The following SLC39A11 variants were observed in gnomAD, a reference collection of about 807,000 sequenced individuals.
SLC39A11 encodes the protein zinc transporter ZIP11.
Under a neutral mutation model 36.1 loss-of-function variants are expected in SLC39A11, and 33 were observed. That is an observed-to-expected ratio of 0.91 (90% CI 0.69 to 1.22). SLC39A11 has a LOEUF of 1.22. Among genes scored for constraint, SLC39A11 ranks in the 50% most tolerant of loss-of-function variants. The pLI is 0.00. For synonymous variants in SLC39A11, 166 were observed against 170.3 expected, an observed-to-expected ratio of 0.97 and a Z score of 0.20; for missense variants, 432 against 430.3, an observed-to-expected ratio of 1.00 and a Z score of -0.03.
At chr17:73,020,974 C>T (rs2148587140) in intron 4 of SLC39A11, among the ~76,000 whole-genome samples, 1 of 152,258 alleles carries the variant, frequency 6.6e-6, no homozygotes, top group East Asian at 1.9e-4. Flanking sequence ...AGCCACCACG[C>T]CCAGCCCGGA....
chr17:73,008,449 T>G (rs1398714079), intron 4 of SLC39A11, among the ~76,000 whole-genome samples: 1 of 152,164 alleles, frequency 6.6e-6, no homozygotes, highest in East Asian at 1.9e-4. Context: ...TGCCCAAGTG[T>G]CCTTCCAGCT....
chr17:72,851,609 A>G (rs2079331014), intron 5 of SLC39A11, among the ~76,000 whole-genome samples: 1 of 152,186 alleles, frequency 6.6e-6, no homozygotes, highest in South Asian at 2.1e-4. Context: ...TCTCATTAGG[A>G]GTATATATTT....
chr17:72,652,456 C>T (rs78735888), intron 7 of SLC39A11, among the ~76,000 whole-genome samples: 18,143 of 152,138 alleles, frequency 0.12, 1,312 homozygotes, highest in Middle Eastern at 0.17. Flanking sequence ...CACTTCACAG[C>T]GTTGCTGATA....
At chr17:72,725,258 A>AG in intron 7 of SLC39A11, among the ~76,000 whole-genome samples, 1 of 152,328 alleles carries the variant, frequency 6.6e-6, no homozygotes. Flanking sequence ...CTCCCCTGCT[A>AG]GGGTAGACCA....
chr17:72,672,909 C>T (rs1184207101), intron 7 of SLC39A11, among the ~76,000 whole-genome samples: 3 of 151,680 alleles, frequency 2.0e-5, no homozygotes, highest in East Asian at 2.0e-4. Context: ...ACGCCTAACC[C>T]TGCTTCAATA....
chr17:72,952,185 C>T (rs189120780), intron 4 of SLC39A11, among the ~76,000 whole-genome samples: 3 of 152,232 alleles, frequency 2.0e-5, no homozygotes, highest in East Asian at 1.9e-4. Context: ...ACAGCTCCTT[C>T]GCTATCTCCA....
At chr17:72,818,444 C>A (rs114568192) in intron 6 of SLC39A11, among the ~76,000 whole-genome samples, 2,219 of 152,292 alleles carry the variant, frequency 0.015, 67 homozygotes, top group African/African-American at 0.048. Flanking sequence ...AATGACTTCA[C>A]AAGGATGGCT....
At chr17:72,932,520 G>T in intron 5 of SLC39A11, among the ~76,000 whole-genome samples, 1 of 148,246 alleles carries the variant, frequency 6.7e-6, no homozygotes, top group East Asian at 2.0e-4. Flanking sequence ...TTTTGGTATG[G>T]ATTCCTCCAT....
At chr17:73,049,511 T>C (rs1407714154) in intron 3 of SLC39A11, among the ~76,000 whole-genome samples, 6 of 152,192 alleles carry the variant, frequency 3.9e-5, no homozygotes, top group Non-Finnish European at 5.9e-5. Context: ...GATGGAAATA[T>C]GCCAAGGAGA....
chr17:72,784,827 CT>C (rs2076449321), intron 6 of SLC39A11, among the ~76,000 whole-genome samples: 1 of 151,370 alleles, frequency 6.6e-6, no homozygotes, highest in Non-Finnish European at 1.5e-5. Flanking sequence ...GCCTGCAGAA[CT>C]GTGGGCCAAT....
At chr17:72,654,163 AG>A (rs1202625911) in intron 7 of SLC39A11, among the ~76,000 whole-genome samples, 1 of 152,168 alleles carries the variant, frequency 6.6e-6, no homozygotes, top group Non-Finnish European at 1.5e-5. Context: ...CAAAAGGGTC[AG>A]GAGCTCTCTT....
chr17:72,924,671 A>G (rs2083925798), intron 5 of SLC39A11, among the ~76,000 whole-genome samples: 1 of 152,088 alleles, frequency 6.6e-6, no homozygotes, highest in Non-Finnish European at 1.5e-5. Flanking sequence ...TCCGAACAGG[A>G]TGATCAAAAA....
At chr17:72,693,727 A>G (rs542507929) in intron 7 of SLC39A11, among the ~76,000 whole-genome samples, 5 of 152,134 alleles carry the variant, frequency 3.3e-5, no homozygotes, top group Non-Finnish European at 7.3e-5. Flanking sequence ...CAATGGCGCA[A>G]TCTCGGCTCA....
chr17:72,838,386 A>G lies in SLC39A11; in HGVS notation c.601+11248T>C, dbSNP rs1288904381. 2.6e-5 allele frequency among the ~76,000 whole-genome samples: 4 copies of G among 151,834 alleles called. No homozygotes were observed. In the East Asian group the frequency reaches 7.8e-4, roughly 29 times the overall value. ...TGGGACCACAAGCGTGCACCACCACACCTGGCTAGTTTTTTAATTTTTCGT... is the reference window on the plus strand; with the variant it reads ...TGGGACCACAAGCGTGCACCACCACGCCTGGCTAGTTTTTTAATTTTTCGT... On this transcript the variant is annotated intron_variant, in intron 6 of 9. Coordinates refer to ENST00000255559, the MANE Select transcript of SLC39A11 (RefSeq NM_139177.4).
chr17:72,853,964 GGT>G (rs2079504573), intron 5 of SLC39A11, among the ~76,000 whole-genome samples: 1 of 152,112 alleles, frequency 6.6e-6, no homozygotes, highest in Non-Finnish European at 1.5e-5. Context: ...AAATTGGAAA[GGT>G]TTGGGCACTT....
At chr17:72,693,213 G>C (rs2072113474) in intron 7 of SLC39A11, among the ~76,000 whole-genome samples, 1 of 149,932 alleles carries the variant, frequency 6.7e-6, no homozygotes, top group Admixed American at 6.6e-5. Context: ...CCCTCCCCTG[G>C]GCCCACCCAC....
chr17:72,899,401 T>C (rs989371010), intron 5 of SLC39A11, among the ~76,000 whole-genome samples: 2 of 152,192 alleles, frequency 1.3e-5, no homozygotes, highest in Middle Eastern at 3.2e-3. Flanking sequence ...ATTGTTTTTT[T>C]ACCCTCTTAA....
intron 6 of SLC39A11, among the ~76,000 whole-genome samples, chr17:72,755,604 T>A (rs2075343269): frequency 6.6e-6 from 1 of 152,234 alleles, no homozygotes; most frequent in Admixed American, 6.5e-5. Context: ...AAATGCCAAA[T>A]ATAAATAAAA....
chr17:73,037,077 C>G (rs939803881), intron 3 of SLC39A11, among the ~76,000 whole-genome samples: 4 of 152,202 alleles, frequency 2.6e-5, no homozygotes, highest in Admixed American at 6.5e-5. Context: ...TTCCTTTTAG[C>G]ACTGGATAAT....
Sources: allele counts gnomAD v4.1 joint callset (sites outside exome capture counted in the v4.1 genomes callset), GRCh38; gene constraint gnomAD v4.1.1; transcripts MANE v1.5; gene names NCBI Gene and HGNC (gene_info 2026-07-23, HGNC 2026-07-21).